Variants in NTM observed in about 807,000 individuals in gnomAD.
NTM encodes the protein neurotrimin.
In NTM, 13 loss-of-function variants were observed where a neutral mutation model predicts 42.1. That is an observed-to-expected ratio of 0.31 (90% CI 0.20 to 0.49). The LOEUF (loss-of-function observed/expected upper bound fraction) is 0.49. Among genes scored for constraint, NTM ranks in the 20% least tolerant of loss-of-function variants. The pLI, the probability that NTM is intolerant of heterozygous loss-of-function variation, is 0.99. For synonymous variants in NTM, 187 were observed against 179.2 expected (o/e 1.04, Z -0.35); for missense variants, 373 against 452.8 (o/e 0.82, Z 1.60).
At chr11:132,320,293 CAGTG>C (rs1374253737) in intron 7 of NTM, among the ~76,000 whole-genome samples, 1 of 152,182 alleles carries the variant, frequency 6.6e-6, no homozygotes, top group Non-Finnish European at 1.5e-5. Context: ...GAGTGCCAGA[CAGTG>C]GGTGCAGGTC....
chr11:132,263,719 A>G lies in NTM; in HGVS notation c.527-43970A>G, dbSNP rs575603071. 9.2e-5 allele frequency among the ~76,000 whole-genome samples: 14 copies of G among 152,330 alleles called. No homozygotes were observed. The South Asian group carries it at 2.7e-3, about 29-fold the overall frequency. On this transcript the variant is annotated intron_variant, in intron 4 of 8. Transcript: ENST00000683400. ...ATTGCTTAGAAAGTTCCTAAGCTAA[A>G]TATCCAGTTTCATCCCTCACAAGCT... is the stretch of plus-strand genomic sequence containing the variant.
chr11:131,425,969 A>C (rs1948098279), intron 1 of NTM, among the ~76,000 whole-genome samples: 1 of 152,154 alleles, frequency 6.6e-6, no homozygotes, highest in Non-Finnish European at 1.5e-5. Context: ...TGTGTGCAGA[A>C]ATCTTGGACT....
rs371968695 is a variant in NTM, at chr11:132,047,514, C to T, written c.168-98768C>T. ...GTTTTCTTCAAAGGATTGATCTCAGCACCTCTTATTTATTTTGAAGCAAAA... is the reference window on the plus strand; with the variant it reads ...GTTTTCTTCAAAGGATTGATCTCAGTACCTCTTATTTATTTTGAAGCAAAA... On this transcript the variant is annotated intron_variant, in intron 2 of 8. Coordinates refer to ENST00000683400, the MANE Select transcript of NTM (RefSeq NM_001352005.2). 5.9e-5 allele frequency among the ~76,000 whole-genome samples: 9 copies of T among 152,218 alleles called. 1 individual carries two copies. The South Asian group carries it at 8.3e-4, about 14-fold the overall frequency.
At chr11:132,061,002 G>A (rs2080577016) in intron 2 of NTM, among the ~76,000 whole-genome samples, 1 of 152,076 alleles carries the variant, frequency 6.6e-6, no homozygotes, top group African/African-American at 2.4e-5. Flanking sequence ...ATGCTAAAAT[G>A]CTGCTAGATT....
chr11:131,530,036 C>G (rs957179837), intron 1 of NTM, among the ~76,000 whole-genome samples: 3 of 152,148 alleles, frequency 2.0e-5, no homozygotes, highest in Non-Finnish European at 2.9e-5. Context: ...TCATCCCTCC[C>G]CATTGGATGC....
chr11:131,491,242 T>C (rs1233085042), intron 1 of NTM, among the ~76,000 whole-genome samples: 1 of 152,230 alleles, frequency 6.6e-6, no homozygotes, highest in Non-Finnish European at 1.5e-5. Context: ...CCAGAGTTTA[T>C]ACCGAATTAT....
At chr11:132,183,065 C>T (rs544560220) in intron 3 of NTM, among the ~76,000 whole-genome samples, 18 of 152,142 alleles carry the variant, frequency 1.2e-4, no homozygotes, top group Admixed American at 2.0e-4. Flanking sequence ...CGGTGCTGTA[C>T]AGTCCTCATT....
chr11:131,374,310 C>T (rs987504567), intron 1 of NTM, among the ~76,000 whole-genome samples: 7 of 152,202 alleles, frequency 4.6e-5, no homozygotes, highest in Non-Finnish European at 1.0e-4. Context: ...TGGGGATGGC[C>T]GTCTGAGCAT....
intron 1 of NTM, among the ~76,000 whole-genome samples, chr11:131,680,295 C>A (rs1235283303): frequency 6.6e-6 from 1 of 151,310 alleles, no homozygotes; most frequent in Admixed American, 6.6e-5. Context: ...ATGGGAATAC[C>A]TAATAACATG....
intron 4 of NTM, among the ~76,000 whole-genome samples, chr11:132,233,140 G>A (rs2087987204): frequency 1.3e-5 from 2 of 152,198 alleles, no homozygotes; most frequent in Admixed American, 6.5e-5. Flanking sequence ...GGGCCAGACA[G>A]GCACGGGGAC....
chr11:131,437,581 G>A (rs988601008), intron 1 of NTM, among the ~76,000 whole-genome samples: 2 of 152,288 alleles, frequency 1.3e-5, no homozygotes, highest in South Asian at 4.2e-4. Context: ...TTTGAAGTCT[G>A]TTTTATCAGA....
intron 1 of NTM, among the ~76,000 whole-genome samples, chr11:131,900,569 A>C (rs1177685195): frequency 1.3e-5 from 2 of 152,184 alleles, no homozygotes; most frequent in African/African-American, 4.8e-5. Flanking sequence ...GGGCCAGGCA[A>C]GGCAGTGGAG....
At chr11:131,399,582 G>T (rs1944905435) in intron 1 of NTM, among the ~76,000 whole-genome samples, 2 of 152,196 alleles carry the variant, frequency 1.3e-5, no homozygotes, top group South Asian at 4.1e-4. Context: ...GGGGCTTTGA[G>T]TCCTGGAAGT....
At chr11:132,119,209 C>T (rs1349335979) in intron 2 of NTM, among the ~76,000 whole-genome samples, 1 of 152,178 alleles carries the variant, frequency 6.6e-6, no homozygotes. Context: ...TCACCCTGGA[C>T]ACTGGATTTG....
chr11:131,738,696 T>G (rs1156988663), intron 1 of NTM, among the ~76,000 whole-genome samples: 1 of 152,230 alleles, frequency 6.6e-6, no homozygotes, highest in Non-Finnish European at 1.5e-5. Context: ...CAGGTGGACA[T>G]CTATGCTTTG....
At chr11:131,558,775 G>A (rs1227361391) in intron 1 of NTM, among the ~76,000 whole-genome samples, 2 of 152,156 alleles carry the variant, frequency 1.3e-5, no homozygotes, top group African/African-American at 4.8e-5. Context: ...TGGAGGAGAA[G>A]GGGTGCCATC....
At chr11:131,758,050 G>A (rs966822120) in intron 1 of NTM, among the ~76,000 whole-genome samples, 33 of 152,116 alleles carry the variant, frequency 2.2e-4, no homozygotes, top group African/African-American at 7.7e-4. Flanking sequence ...GATGGTCACC[G>A]GACACTACAG....
intron 1 of NTM, among the ~76,000 whole-genome samples, chr11:131,908,792 G>A (rs988445510): frequency 5.3e-5 from 8 of 152,148 alleles, no homozygotes; most frequent in Non-Finnish European, 1.0e-4. Flanking sequence ...ACAATTGCCC[G>A]TTGGAAAATG....
chr11:131,657,405 G>T (rs769355348), intron 1 of NTM, among the ~76,000 whole-genome samples: 2 of 152,214 alleles, frequency 1.3e-5, no homozygotes, highest in Non-Finnish European at 2.9e-5. Context: ...GCAGAGGGTG[G>T]ACCAGTGTTT....
Sources: gnomAD v4.1 joint callset for allele counts (sites outside exome capture counted in the v4.1 genomes callset) on GRCh38, gnomAD v4.1.1 for gene constraint, MANE v1.5 for transcripts, NCBI Gene and HGNC (gene_info 2026-07-23, HGNC 2026-07-21) for gene names.